The following LRCH2 variants were observed in gnomAD, a reference collection of about 807,000 sequenced individuals.
LRCH2 encodes leucine-rich repeat and calponin homology domain-containing protein 2.
In LRCH2, 38 loss-of-function variants were observed where a neutral mutation model predicts 68.9. The ratio of observed to expected loss-of-function variants is 0.55; its 90% CI spans 0.43 to 0.72. The LOEUF (loss-of-function observed/expected upper bound fraction) is 0.72, where lower values mean the gene tolerates loss of function less well. Among genes scored for constraint, LRCH2 ranks in the 30% least tolerant of loss-of-function variants. The pLI is 0.00. For missense variants in LRCH2, 528 were observed against 572.9 expected (o/e 0.92, Z 0.80); for synonymous variants, 191 against 208.1 (o/e 0.92, Z 0.71).
In LRCH2 at chrX:115,118,970, C is replaced by A. The variant is rs781814359; in HGVS notation, c.2178+3557G>T. 8.1e-5 allele frequency among the ~76,000 whole-genome samples: 9 copies of A among 111,492 alleles called. No individual in the cohort carries two copies. The South Asian group carries it at 2.6e-3, about 33-fold the overall frequency. Reference sequence around the variant, plus strand: ...AAGAACTTTGACAAAATTCAACAACCCTTCATGCTAAAAACTCTCAATAAA... The same window carrying A: ...AAGAACTTTGACAAAATTCAACAACACTTCATGCTAAAAACTCTCAATAAA... On this transcript the variant is annotated intron_variant, in intron 20 of 20. Transcript: ENST00000317135.
At chrX:115,133,221 T>C (rs782532279) in intron 14 of LRCH2, among the ~76,000 whole-genome samples, 3 of 112,382 alleles carry the variant, frequency 2.7e-5, no homozygotes, top group Non-Finnish European at 5.6e-5. Flanking sequence ...TAAACGACTG[T>C]GCTGCTCCTC....
chrX:115,191,863 C>G, intron 1 of LRCH2: 1 of 1,159,225 alleles, frequency 8.6e-7, no homozygotes. Flanking sequence ...CAGTTCCAGC[C>G]GGAACGACCC....
In LRCH2 at chrX:115,192,041, G is replaced by A. The variant is rs1556560671; in HGVS notation, c.350-3671C>T. ...GGCCACTACGAAGAGTACCGAGGCC[G>A]CTCGCACGACACCCACAGCAGGGGC... On this transcript the variant is annotated intron_variant, in intron 1 of 20. Transcript: ENST00000317135. The A allele has an allele frequency of 2.2e-5, 25 of 1,162,064 alleles. No homozygotes were observed. In the East Asian group the frequency reaches 6.6e-4, roughly 31 times the overall value.
intron 1 of LRCH2, 141 bp downstream of exon 1, chrX:115,233,552 A>T (rs1194065844): frequency 1.2e-5 from 7 of 568,373 alleles, no homozygotes; most frequent in Admixed American, 4.1e-5. Context: ...CGTTCAGGAG[A>T]ACGGGCTGCC....
At chrX:115,141,474 C>T (rs1264759222) in intron 14 of LRCH2, among the ~76,000 whole-genome samples, 1 of 111,201 alleles carries the variant, frequency 9.0e-6, no homozygotes, top group Non-Finnish European at 1.9e-5. Context: ...TGGCTGCATT[C>T]TCTTAAGTTT....
rs1304055298 is a variant in LRCH2 at position 115,145,636 on chromosome X, A to G, written c.1695+4191T>C. Among the ~76,000 whole-genome samples, 12 of 112,128 alleles carry G rather than the reference A, an allele frequency of 1.1e-4. No individual in the cohort carries two copies. The Admixed American group carries it at 1.1e-3, about 11-fold the overall frequency. On this transcript the variant is annotated intron_variant, in intron 14 of 20. Coordinates refer to ENST00000317135, the MANE Select transcript of LRCH2 (RefSeq NM_020871.4). ...ATTAAAACATGGGTAAAAGATGTGA[A>G]TAGACATTTCTGAAAAGAAGACATA...
Position 115,233,910 on chromosome X carries a change from C to CCCG in LRCH2, c.129_131dup (p.Gly44dup), listed in dbSNP as rs782056580. On this transcript the variant is annotated inframe_insertion, in exon 1 of 21. Transcript: ENST00000317135. ...GTACCGGGATGGGGACCACCAGGGT[C>CCCG]CCGCCGCCGCCGCCGCCTCCCCCTC... 2.3e-5 allele frequency: 26 copies of CCCG among 1,125,586 alleles called. No individual in the cohort carries two copies. Among genetic ancestry groups the CCCG allele is most frequent in the Middle Eastern group, 3.0e-4 (1 of 3,384 alleles). 92.8% of individuals were successfully genotyped at this position (1,125,586 alleles called of 1,213,427 possible). A position where few individuals can be genotyped will look rare whatever the true frequency, so the allele number is the denominator to read the frequency against.
At chrX:115,186,932 C>T (rs947506689) in intron 2 of LRCH2, among the ~76,000 whole-genome samples, 1 of 108,540 alleles carries the variant, frequency 9.2e-6, no homozygotes, top group African/African-American at 3.4e-5. Flanking sequence ...CATTCTCCTG[C>T]CTCAGCCTCC....
rs782651876 is a variant in LRCH2 at position 115,149,731 on chromosome X, C to A, written c.1695+96G>T. The stretch of plus-strand genomic sequence containing the variant: ...AAAATAACACATTTACTACATTTAA[C>A]TAGAGAGTTACAGTCTACCTTATTA... On this transcript the variant is annotated intron_variant, in intron 14 of 20. Coordinates refer to ENST00000317135, the MANE Select transcript of LRCH2 (RefSeq NM_020871.4). The A allele has an allele frequency of 3.8e-5, 18 of 478,143 alleles. No individual in the cohort carries two copies. The African/African-American group carries it at 4.1e-4, about 11-fold the overall frequency. The allele number at this position is 478,143 out of a possible 1,213,427, so 39.4% of individuals were successfully genotyped here. A position where few individuals can be genotyped will look rare whatever the true frequency, so the allele number is the denominator to read the frequency against.
At chrX:115,198,230 A>G (rs1272403741) in intron 1 of LRCH2, among the ~76,000 whole-genome samples, 1 of 111,043 alleles carries the variant, frequency 9.0e-6, no homozygotes, top group Non-Finnish European at 1.9e-5. Context: ...TAGAAAGCCT[A>G]TTTAACAAAA....
In LRCH2 at chrX:115,122,732, GAACT is replaced by G. The variant is rs782443005; in HGVS notation, c.2100+24_2100+27del. On this transcript the variant is annotated intron_variant, in intron 19 of 20. Coordinates refer to ENST00000317135, the MANE Select transcript of LRCH2 (RefSeq NM_020871.4). ...TTAAGAAGCTATATCTTCCTTTAGA[GAACT>G]AACAAATTGTAAACAAAACTTACCA... 4.2e-6 allele frequency: 5 copies of G among 1,203,062 alleles called. No individual in the cohort carries two copies. The South Asian group carries it at 7.2e-5, about 17-fold the overall frequency.
At chrX:115,171,901 G>T (rs1275370419) in intron 5 of LRCH2, among the ~76,000 whole-genome samples, 1 of 109,213 alleles carries the variant, frequency 9.2e-6, no homozygotes, top group Non-Finnish European at 1.9e-5. Context: ...GGCTGTTCTC[G>T]AACTCCTGGG....
intron 1 of LRCH2, among the ~76,000 whole-genome samples, chrX:115,193,628 T>C (rs1465051928): frequency 8.9e-6 from 1 of 112,061 alleles, no homozygotes; most frequent in East Asian, 2.8e-4. Context: ...TGAAAAATAC[T>C]TAGGACATTA....
chrX:115,143,704 G>A (rs144730361), intron 14 of LRCH2, among the ~76,000 whole-genome samples: 19 of 110,861 alleles, frequency 1.7e-4, no homozygotes, highest in Middle Eastern at 4.6e-3. Flanking sequence ...CCAAAATCTC[G>A]GATAAATATG....
At chrX:115,149,765 C>T in intron 14 of LRCH2, 62 bp downstream of exon 14, 1 of 755,082 alleles carries the variant, frequency 1.3e-6, no homozygotes, top group South Asian at 3.0e-5. Context: ...TAACTCAAAA[C>T]AAAACTGACA....
At position 115,212,922 on chromosome X, in the gene LRCH2, G is replaced by A. The variant is rs181361602; in HGVS notation, c.349+20771C>T. On this transcript the variant is annotated intron_variant, in intron 1 of 20. Coordinates refer to ENST00000317135, the MANE Select transcript of LRCH2 (RefSeq NM_020871.4). ...GGGGAGGTTGAGGCTGTGGTGAGCCGATTGTGCCACTGCACTCCAGCCTGG... is the reference window on the plus strand; with the variant it reads ...GGGGAGGTTGAGGCTGTGGTGAGCCAATTGTGCCACTGCACTCCAGCCTGG... Among the ~76,000 whole-genome samples, 122 of 108,966 alleles carry A rather than the reference G, an allele frequency of 1.1e-3. 1 individual carries two copies. The highest frequency in any genetic ancestry group is 3.8e-3 in the African/African-American group (115 of 29,996). The allele number at this position is 108,966 out of a possible 115,157, so 94.6% of individuals were successfully genotyped here.
At chrX:115,119,624 C>T (rs2072117679) in intron 20 of LRCH2, among the ~76,000 whole-genome samples, 1 of 71,290 alleles carries the variant, frequency 1.4e-5, no homozygotes, top group Non-Finnish European at 2.6e-5. Flanking sequence ...AATGCCATCC[C>T]CATCAAGCTA....
At chrX:115,173,088 G>T (rs2072617125) in intron 5 of LRCH2, among the ~76,000 whole-genome samples, 1 of 111,381 alleles carries the variant, frequency 9.0e-6, no homozygotes, top group Non-Finnish European at 1.9e-5. Flanking sequence ...ATGCTGATTA[G>T]CACTCCTATG....
chrX:115,195,164 A>G (rs1280346565), intron 1 of LRCH2, among the ~76,000 whole-genome samples: 4 of 109,860 alleles, frequency 3.6e-5, no homozygotes, highest in East Asian at 5.8e-4. Context: ...CACGCCTGTA[A>G]TTCCAGCTAC....
Sources: allele counts gnomAD v4.1 joint callset (sites outside exome capture counted in the v4.1 genomes callset), GRCh38; gene constraint gnomAD v4.1.1; transcripts MANE v1.5; gene names NCBI Gene and HGNC (gene_info 2026-07-23, HGNC 2026-07-21).